The following MACROD2 variants were observed in gnomAD, a reference collection of about 807,000 sequenced individuals.
MACROD2 encodes ADP-ribose glycohydrolase MACROD2.
MACROD2 carries 36 observed loss-of-function variants against 70.4 expected under a neutral mutation model. The ratio of observed to expected loss-of-function variants is 0.51; its 90% CI spans 0.39 to 0.68. The LOEUF (loss-of-function observed/expected upper bound fraction) is 0.68. Among genes scored for constraint, MACROD2 ranks in the 30% least tolerant of loss-of-function variants. MACROD2 has a pLI of 0.00. For missense variants in MACROD2, 496 were observed against 538.4 expected (o/e 0.92, Z 0.78); for synonymous variants, 172 against 178.8 (o/e 0.96, Z 0.30).
At chr20:15,938,696 G>C (rs911191864) in intron 12 of MACROD2, among the ~76,000 whole-genome samples, 1 of 152,130 alleles carries the variant, frequency 6.6e-6, no homozygotes, top group Non-Finnish European at 1.5e-5. Flanking sequence ...GATAGGAAGA[G>C]TTGCATACTA....
intron 4 of MACROD2, among the ~76,000 whole-genome samples, chr20:14,526,463 C>T (rs375212476): frequency 1.2e-4 from 18 of 152,180 alleles, no homozygotes; most frequent in African/African-American, 4.1e-4. Context: ...CTCATTCACA[C>T]TTTTAATTGT....
chr20:15,146,465 T>C (rs2076230917), intron 5 of MACROD2, among the ~76,000 whole-genome samples: 1 of 152,250 alleles, frequency 6.6e-6, no homozygotes, highest in Non-Finnish European at 1.5e-5. Flanking sequence ...TAACATACTA[T>C]TTGTCCAATG....
At chr20:15,669,161 T>C (rs1026569359) in intron 8 of MACROD2, among the ~76,000 whole-genome samples, 2 of 152,222 alleles carry the variant, frequency 1.3e-5, no homozygotes, top group African/African-American at 4.8e-5. Flanking sequence ...GTAACAGATC[T>C]TTGAATAAAA....
intron 7 of MACROD2, among the ~76,000 whole-genome samples, chr20:15,453,355 C>G (rs1000158205): frequency 2.6e-5 from 4 of 152,112 alleles, no homozygotes; most frequent in Admixed American, 2.0e-4. Flanking sequence ...CTCCAACCTC[C>G]TATTCAGATG....
At chr20:15,841,308 T>TG (rs1050476723) in intron 8 of MACROD2, among the ~76,000 whole-genome samples, 7 of 152,158 alleles carry the variant, frequency 4.6e-5, no homozygotes, top group East Asian at 1.9e-4. Context: ...TGGTCCAGGA[T>TG]GGGGGGGTGT....
chr20:15,161,351 TAATA>T (rs1417019230), intron 5 of MACROD2, among the ~76,000 whole-genome samples: 2 of 150,020 alleles, frequency 1.3e-5, no homozygotes, highest in Non-Finnish European at 3.0e-5. Context: ...TGAAAATTAT[TAATA>T]AATAATTGTA....
At chr20:14,899,735 C>T (rs1360880430) in intron 5 of MACROD2, among the ~76,000 whole-genome samples, 1 of 152,120 alleles carries the variant, frequency 6.6e-6, no homozygotes, top group Non-Finnish European at 1.5e-5. Context: ...CAACCCATAG[C>T]AGCTTCTTAA....
At chr20:15,502,171 A>G (rs778746733) in intron 8 of MACROD2, among the ~76,000 whole-genome samples, 33 of 152,226 alleles carry the variant, frequency 2.2e-4, no homozygotes, top group African/African-American at 7.7e-4. Context: ...ACAAAATAAA[A>G]CAGGGCAATT....
chr20:14,220,646 G>T (rs963722199), intron 3 of MACROD2, among the ~76,000 whole-genome samples: 2 of 152,280 alleles, frequency 1.3e-5, no homozygotes, highest in East Asian at 3.9e-4. Flanking sequence ...GATCCCTGGG[G>T]TGCCAGGCAG....
intron 5 of MACROD2, among the ~76,000 whole-genome samples, chr20:15,005,948 T>C (rs1261798471): frequency 6.6e-6 from 1 of 152,182 alleles, no homozygotes; most frequent in African/African-American, 2.4e-5. Flanking sequence ...TTTGGAATCA[T>C]ATAATGATAT....
chr20:14,473,719 C>A (rs2084556973), intron 3 of MACROD2, among the ~76,000 whole-genome samples: 1 of 152,144 alleles, frequency 6.6e-6, no homozygotes, highest in South Asian at 2.1e-4. Context: ...TTTCAGAAAC[C>A]TCCATACTGT....
chr20:14,973,919 G>C (rs765570670), intron 5 of MACROD2, among the ~76,000 whole-genome samples: 12 of 152,162 alleles, frequency 7.9e-5, no homozygotes, highest in Non-Finnish European at 1.3e-4. Context: ...AGATGACATA[G>C]AATAATGTTT....
intron 5 of MACROD2, among the ~76,000 whole-genome samples, chr20:15,160,737 A>G (rs1421327975): frequency 1.3e-5 from 2 of 152,064 alleles, no homozygotes; most frequent in Non-Finnish European, 2.9e-5. Context: ...ATCTAATAGT[A>G]TTTTTTAAAT....
At position 14,243,441 on chromosome 20, in the gene MACROD2, A is replaced by G. The variant is rs922737444; in HGVS notation, c.271+157713A>G. On this transcript the variant is annotated intron_variant, in intron 3 of 17. Coordinates refer to ENST00000684519, the MANE Select transcript of MACROD2 (RefSeq NM_001351661.2). Reference sequence around the variant, plus strand: ...AAATATCTGCCTAAACTATGTCAGTAAAGCATTTTTCCCCTTTTTTGGCTA... The same window carrying G: ...AAATATCTGCCTAAACTATGTCAGTGAAGCATTTTTCCCCTTTTTTGGCTA... 3.9e-5 allele frequency among the ~76,000 whole-genome samples: 6 copies of G among 152,210 alleles called. No homozygotes were observed. In the East Asian group the frequency reaches 7.7e-4, roughly 20 times the overall value.
intron 6 of MACROD2, among the ~76,000 whole-genome samples, chr20:15,303,644 A>G (rs2077668194): frequency 6.6e-6 from 1 of 152,196 alleles, no homozygotes; most frequent in African/African-American, 2.4e-5. Flanking sequence ...ATCTTCTAAA[A>G]CAATAACAGA....
intron 9 of MACROD2, among the ~76,000 whole-genome samples, chr20:15,878,478 T>C (rs924350075): frequency 1.3e-5 from 2 of 152,120 alleles, no homozygotes; most frequent in African/African-American, 4.8e-5. Flanking sequence ...CAGATGATAG[T>C]GGTGCTGCTG....
intron 5 of MACROD2, chr20:14,849,849 G>T (rs771459054): frequency 1.7e-5 from 7 of 412,718 alleles, no homozygotes; most frequent in Non-Finnish European, 3.3e-5. Context: ...GCAGATAAAT[G>T]TCCCAATAAA....
At chr20:15,730,467 A>G (rs1425092703) in intron 8 of MACROD2, among the ~76,000 whole-genome samples, 1 of 152,142 alleles carries the variant, frequency 6.6e-6, no homozygotes, top group Non-Finnish European at 1.5e-5. Flanking sequence ...GTTTGGCTGG[A>G]TATGGAATTT....
At chr20:15,963,343 TAGTC>T (rs2066091813) in intron 12 of MACROD2, among the ~76,000 whole-genome samples, 1 of 152,218 alleles carries the variant, frequency 6.6e-6, no homozygotes, top group African/African-American at 2.4e-5. Context: ...CTCTGAATAA[TAGTC>T]AGGGGCTTCC....
Sources: gnomAD v4.1 joint callset for allele counts (sites outside exome capture counted in the v4.1 genomes callset) on GRCh38, gnomAD v4.1.1 for gene constraint, MANE v1.5 for transcripts, NCBI Gene and HGNC (gene_info 2026-07-23, HGNC 2026-07-21) for gene names.